Variants in PALLD observed in about 807,000 individuals in gnomAD.
PALLD encodes the protein palladin, cytoskeletal associated protein, also known as palladin.
In PALLD, 61 loss-of-function variants were observed where a neutral mutation model predicts 123.5. The ratio of observed to expected loss-of-function variants is 0.49; its 90% CI spans 0.40 to 0.61. The LOEUF is 0.61. Among genes scored for constraint, PALLD ranks in the 20% least tolerant of loss-of-function variants. The pLI, the probability that PALLD is intolerant of heterozygous loss-of-function variation, is 0.00. For synonymous variants in PALLD, 465 were observed against 496.4 expected (o/e 0.94, Z 0.84); for missense variants, 1,273 against 1,377.0 (o/e 0.92, Z 1.20).
At chr4:168,758,676 GA>G (rs796333853) in intron 10 of PALLD, among the ~76,000 whole-genome samples, 4 of 150,590 alleles carry the variant, frequency 2.7e-5, no homozygotes, top group African/African-American at 7.3e-5. Flanking sequence ...TTAGACTAGA[GA>G]AAAAAAAATA....
At chr4:168,678,983 C>T (rs1318471293) in intron 3 of PALLD, among the ~76,000 whole-genome samples, 11 of 93,406 alleles carry the variant, frequency 1.2e-4, no homozygotes, top group Non-Finnish European at 4.3e-5. Flanking sequence ...GGTGTGGGTA[C>T]GGTGTGTGCG....
At chr4:168,555,074 A>G (rs901381799) in intron 2 of PALLD, among the ~76,000 whole-genome samples, 3 of 152,202 alleles carry the variant, frequency 2.0e-5, no homozygotes, top group Non-Finnish European at 2.9e-5. Context: ...AAACAAACAA[A>G]ATATTCAATT....
chr4:168,759,017 A>C (rs1732299451), intron 10 of PALLD, among the ~76,000 whole-genome samples: 2 of 151,128 alleles, frequency 1.3e-5, no homozygotes, highest in South Asian at 4.2e-4. Context: ...TCTACTAAAA[A>C]TACAAAAAAA....
Position 168,682,935 on chromosome 4 carries a change from A to AC in PALLD, c.1155-63_1155-62insC, listed in dbSNP as rs1202855520. 10 of 993,500 alleles carry AC rather than the reference A, an allele frequency of 1.0e-5. 1 individual carries two copies. Among genetic ancestry groups the AC allele is most frequent in the Non-Finnish European group, 1.1e-5 (7 of 642,860 alleles). 61.5% of individuals were successfully genotyped at this position (993,500 alleles called of 1,614,324 possible). A position where few individuals can be genotyped will look rare whatever the true frequency, so the allele number is the denominator to read the frequency against. ...TTCAAGGAATTATTTCTGCTAAAAAAAAAAAACAAAAAAACGAAAACAAAA... is the reference window on the plus strand; with the variant it reads ...TTCAAGGAATTATTTCTGCTAAAAAACAAAAAACAAAAAAACGAAAACAAAA... On this transcript the variant is annotated intron_variant, in intron 4 of 21. Transcript: ENST00000505667.
chr4:168,721,623 CA>C (rs1396231551), intron 10 of PALLD, among the ~76,000 whole-genome samples: 1 of 152,128 alleles, frequency 6.6e-6, no homozygotes, highest in Non-Finnish European at 1.5e-5. Context: ...TTTATAATTA[CA>C]AAGTATTATT....
chr4:168,793,404 C>T (rs1371091754), intron 10 of PALLD, among the ~76,000 whole-genome samples: 3 of 150,178 alleles, frequency 2.0e-5, no homozygotes, highest in Non-Finnish European at 4.4e-5. Flanking sequence ...ATACATATCA[C>T]AGTAAAAATA....
intron 2 of PALLD, among the ~76,000 whole-genome samples, chr4:168,646,017 A>G (rs781231651): frequency 2.0e-5 from 3 of 152,208 alleles, no homozygotes; most frequent in African/African-American, 7.2e-5. Flanking sequence ...TGAGCCTTGT[A>G]TGTTATTTGC....
At chr4:168,546,148 G>A (rs548935453) in intron 2 of PALLD, among the ~76,000 whole-genome samples, 7 of 152,220 alleles carry the variant, frequency 4.6e-5, no homozygotes, top group African/African-American at 1.4e-4. Context: ...AGAGAAAGAC[G>A]AATTACTGTG....
chr4:168,817,756 A>G (rs1488570853), intron 10 of PALLD, among the ~76,000 whole-genome samples: 3 of 152,230 alleles, frequency 2.0e-5, no homozygotes, highest in Non-Finnish European at 4.4e-5. Context: ...AATTATTTCT[A>G]TTAACCAAGA....
At chr4:168,842,906 C>T (rs1465548572) in intron 10 of PALLD, among the ~76,000 whole-genome samples, 1 of 152,312 alleles carries the variant, frequency 6.6e-6, no homozygotes, top group South Asian at 2.1e-4. Context: ...TAAGCCTGTA[C>T]ATAATCAGTA....
At chr4:168,882,732 C>T (rs1035173271) in intron 10 of PALLD, among the ~76,000 whole-genome samples, 6 of 152,086 alleles carry the variant, frequency 3.9e-5, no homozygotes, top group African/African-American at 1.4e-4. Flanking sequence ...AATTAGTAGG[C>T]AAGGCCTCCA....
In PALLD at chr4:168,711,639, A is replaced by G. The variant is rs943155016; in HGVS notation, c.1680A>G (p.Gln560=). 2.5e-6 allele frequency: 4 copies of G among 1,614,098 alleles called. No homozygotes were observed. The highest frequency in any genetic ancestry group is 3.4e-6 in the Non-Finnish European group (4 of 1,180,002). The change falls in exon 10 of 22, where the codon CAA becomes CAG. Residue 560 remains glutamine, a synonymous_variant. Transcript: ENST00000505667. ...GAGAATCCAACAATGACCACTTCCAACACTTTCCACCTCCCCCTCCAATCT... is the reference window on the plus strand; with the variant it reads ...GAGAATCCAACAATGACCACTTCCAGCACTTTCCACCTCCCCCTCCAATCT... ...SMGESNNDHF[Q]HFPPPPPILE...
chr4:168,691,533 A>G (rs148889800), intron 8 of PALLD, among the ~76,000 whole-genome samples: 25 of 152,324 alleles, frequency 1.6e-4, no homozygotes, highest in Middle Eastern at 3.4e-3. Flanking sequence ...AAGAAGGTCA[A>G]GCTCAGTGAC....
chr4:168,576,229 CT>C (rs892809714), intron 2 of PALLD, among the ~76,000 whole-genome samples: 28 of 150,990 alleles, frequency 1.9e-4, no homozygotes, highest in African/African-American at 6.1e-4. Flanking sequence ...GCAGCATTTT[CT>C]TTTTTTTTCT....
chr4:168,742,224 G>A (rs10008715), intron 10 of PALLD, among the ~76,000 whole-genome samples: 69,884 of 151,996 alleles, frequency 0.46, 16,417 homozygotes, highest in East Asian at 0.59. Flanking sequence ...CCATCTCTCC[G>A]TCCTTCTTGA....
intron 10 of PALLD, among the ~76,000 whole-genome samples, chr4:168,719,215 A>G (rs554006901): frequency 7.0e-6 from 1 of 141,956 alleles, no homozygotes; most frequent in African/African-American, 2.6e-5. Flanking sequence ...CACCAGTCTA[A>G]GTTTCAATGA....
chr4:168,614,814 C>T (rs906791857), intron 2 of PALLD, among the ~76,000 whole-genome samples: 8 of 152,146 alleles, frequency 5.3e-5, no homozygotes, highest in South Asian at 2.1e-4. Flanking sequence ...CAAAAGCATG[C>T]GTTCCTCCCC....
chr4:168,862,139 G>A (rs1280717939), intron 10 of PALLD, among the ~76,000 whole-genome samples: 1 of 152,100 alleles, frequency 6.6e-6, no homozygotes, highest in African/African-American at 2.4e-5. Flanking sequence ...GTTATAATAA[G>A]TAGTTCAATT....
rs576656154 is a variant in PALLD, at chr4:168,500,215, G to A, written c.-83+3021G>A. ...TGTAGGAACAACTTGCATTGTCACT[G>A]AATTCTTTCTACTTACTAGACTCTG... On this transcript the variant is annotated intron_variant, in intron 1 of 21. Coordinates refer to ENST00000505667, the MANE Select transcript of PALLD (RefSeq NM_001166108.2). 2.6e-5 allele frequency among the ~76,000 whole-genome samples: 4 copies of A among 152,298 alleles called. No homozygotes were observed. The South Asian group carries it at 8.3e-4, about 32-fold the overall frequency.
Sources: allele counts gnomAD v4.1 joint callset (sites outside exome capture counted in the v4.1 genomes callset), GRCh38; gene constraint gnomAD v4.1.1; transcripts MANE v1.5; gene names NCBI Gene and HGNC (gene_info 2026-07-23, HGNC 2026-07-21).